Variants in RRP15 observed in about 807,000 individuals in gnomAD.
RRP15 encodes ribosomal RNA processing 15 homolog, also known as RRP15-like protein.
RRP15 carries 18 observed loss-of-function variants against 27.1 expected under a neutral mutation model. That is an observed-to-expected ratio of 0.66 (90% CI 0.46 to 0.98). The LOEUF (loss-of-function observed/expected upper bound fraction) is 0.98. Ranked by LOEUF, RRP15 falls within the 50% of genes least tolerant of loss-of-function variation. RRP15 has a pLI of 0.00. For synonymous variants in RRP15, 107 were observed against 109.4 expected (o/e 0.98, Z 0.14); for missense variants, 359 against 337.8 (o/e 1.06, Z -0.49).
rs780709587 is a variant in RRP15 at position 218,331,063 on chromosome 1, C to G, written c.821C>G (p.Pro274Arg). 17 of 1,612,178 alleles carry G rather than the reference C, an allele frequency of 1.1e-5. No individual in the cohort carries two copies. Among genetic ancestry groups the G allele is most frequent in the Non-Finnish European group, 1.4e-5 (16 of 1,178,818 alleles). The change falls in exon 5 of 5, where the codon CCA (proline) becomes CGA (arginine). Residue 274 changes from proline to arginine, a missense_variant. Pro to Arg is a moderately radical substitution (Grantham distance 103, BLOSUM62 -2). Coordinates refer to ENST00000366932, the MANE Select transcript of RRP15 (RefSeq NM_016052.4). ...KESDGPDDSR[P>R]ESASDSDT ...AGTGATGGGCCAGATGACAGCAGACCAGAATCTGCAAGTGACTCTGATACA... is the reference window on the plus strand; with the variant it reads ...AGTGATGGGCCAGATGACAGCAGACGAGAATCTGCAAGTGACTCTGATACA...
chr1:218,318,969 G>A (rs1656133482), intron 4 of RRP15, among the ~76,000 whole-genome samples: 1 of 152,006 alleles, frequency 6.6e-6, no homozygotes, highest in South Asian at 2.1e-4. Context: ...ATGAATTAAA[G>A]TTCCTAAAGA....
chr1:218,311,696 G>A (rs989855218), intron 4 of RRP15, among the ~76,000 whole-genome samples: 13 of 151,912 alleles, frequency 8.6e-5, no homozygotes, highest in African/African-American at 2.9e-4. Flanking sequence ...CTGTTTTTTC[G>A]GACTAAACGT....
intron 1 of RRP15, among the ~76,000 whole-genome samples, chr1:218,292,158 T>A (rs2102492006): frequency 6.6e-6 from 1 of 152,352 alleles, no homozygotes; most frequent in African/African-American, 2.4e-5. Flanking sequence ...AACAACAAAC[T>A]TTAATGCAAA....
At chr1:218,316,362 CCTG>C (rs1656089997) in intron 4 of RRP15, among the ~76,000 whole-genome samples, 1 of 152,100 alleles carries the variant, frequency 6.6e-6, no homozygotes, top group South Asian at 2.1e-4. Flanking sequence ...AAAAAATTAT[CCTG>C]CACAGATGAG....
intron 4 of RRP15, among the ~76,000 whole-genome samples, chr1:218,311,170 C>A (rs1655989945): frequency 6.6e-6 from 1 of 152,164 alleles, no homozygotes; most frequent in Non-Finnish European, 1.5e-5. Context: ...TTCCATTCTT[C>A]TCTATACCTT....
At chr1:218,316,770 G>A (rs1656095587) in intron 4 of RRP15, among the ~76,000 whole-genome samples, 1 of 152,124 alleles carries the variant, frequency 6.6e-6, no homozygotes, top group African/African-American at 2.4e-5. Context: ...CTATATTGGT[G>A]CTTATTTTTT....
chr1:218,295,215 G>C (rs879612867), intron 1 of RRP15, among the ~76,000 whole-genome samples: 8 of 152,136 alleles, frequency 5.3e-5, no homozygotes, highest in Admixed American at 5.2e-4. Flanking sequence ...TAAGATGATA[G>C]CCCCTACCTC....
intron 1 of RRP15, among the ~76,000 whole-genome samples, chr1:218,291,095 T>C (rs975780830): frequency 6.6e-6 from 1 of 152,018 alleles, no homozygotes; most frequent in Non-Finnish European, 1.5e-5. Flanking sequence ...GCTGTGACTG[T>C]GCCACTGTAC....
At chr1:218,291,559 G>T (rs1216898207) in intron 1 of RRP15, among the ~76,000 whole-genome samples, 2 of 128,162 alleles carry the variant, frequency 1.6e-5, no homozygotes, top group African/African-American at 6.2e-5. Flanking sequence ...TTGAGATGGA[G>T]TCTCGTTCTG....
At chr1:218,304,423 TC>T (rs1655861103) in intron 2 of RRP15, among the ~76,000 whole-genome samples, 3 of 152,284 alleles carry the variant, frequency 2.0e-5, no homozygotes, top group Admixed American at 1.3e-4. Context: ...ATTTCCCACC[TC>T]CCCTTCTGCT....
rs1437921146 is a variant in RRP15, at chr1:218,333,824, A to C, written c.*2733A>C. On this transcript the variant is annotated 3_prime_UTR_variant, in exon 5 of 5. Transcript: ENST00000366932. The stretch of plus-strand genomic sequence containing the variant: ...TCTTTGAATTTTTTAACGAGGGGAA[A>C]GAAAACTGCAATTCCTGCCTCCCCA... The C allele has an allele frequency of 6.6e-6, 1 of 152,174 alleles. No individual in the cohort carries two copies. The highest frequency in any genetic ancestry group is 2.4e-5 in the African/African-American group (1 of 41,444). 9.4% of individuals were successfully genotyped at this position (152,174 alleles called of 1,614,324 possible). A position where few individuals can be genotyped will look rare whatever the true frequency, so the allele number is the denominator to read the frequency against.
intron 1 of RRP15, among the ~76,000 whole-genome samples, chr1:218,286,059 T>C (rs540119866): frequency 6.6e-6 from 1 of 152,324 alleles, no homozygotes; most frequent in South Asian, 2.1e-4. Flanking sequence ...CCATCATTCT[T>C]GGCACCAGCT....
intron 1 of RRP15, among the ~76,000 whole-genome samples, chr1:218,299,019 G>C (rs1369161860): frequency 6.6e-6 from 1 of 152,158 alleles, no homozygotes; most frequent in African/African-American, 2.4e-5. Flanking sequence ...ATCTGCTTCT[G>C]CTGTTATAAA....
In RRP15 at chr1:218,296,612, C is replaced by G. The variant is rs1041054295; in HGVS notation, c.140-5682C>G. Among the ~76,000 whole-genome samples the G allele has an allele frequency of 3.3e-4, 50 of 151,346 alleles. 1 individual carries two copies. The highest frequency in any genetic ancestry group is 1.2e-3 in the African/African-American group (49 of 41,076). On this transcript the variant is annotated intron_variant, in intron 1 of 4. Transcript: ENST00000366932. ...TGAGCTAAGATTCTGTCACTATACT[C>G]CAGCCTGGGCGCCAGAGTGAGACCT...
At chr1:218,319,598 C>T (rs1348748557) in intron 4 of RRP15, among the ~76,000 whole-genome samples, 3 of 152,082 alleles carry the variant, frequency 2.0e-5, no homozygotes, top group Non-Finnish European at 4.4e-5. Context: ...CCTAGAATCA[C>T]CTGTTTCTCC....
chr1:218,329,288 T>G (rs796762638), intron 4 of RRP15, among the ~76,000 whole-genome samples: 7 of 132,372 alleles, frequency 5.3e-5, no homozygotes, highest in Admixed American at 1.6e-4. Context: ...GGCATGATGG[T>G]GTGCACCTGT....
rs1656357999 is a variant in RRP15, at chr1:218,331,013, A to G, written c.771A>G (p.Ala257=). The change falls in exon 5 of 5, where the codon GCA becomes GCG. Residue 257 remains alanine, a synonymous_variant. Coordinates refer to ENST00000366932, the MANE Select transcript of RRP15 (RefSeq NM_016052.4). The stretch of plus-strand genomic sequence containing the variant: ...TACGTGATGATTTCATGATGGGAGC[A>G]TCTATGAAAGACTGGGACAAGGAAA... ...TILRDDFMMG[A]SMKDWDKESD... is the part of the protein sequence containing the mutation. 2 of 1,613,512 alleles carry G rather than the reference A, an allele frequency of 1.2e-6. No individual in the cohort carries two copies. The highest frequency in any genetic ancestry group is 8.5e-7 in the Non-Finnish European group (1 of 1,179,572).
chr1:218,321,828 C>CT lies in RRP15; in HGVS notation c.706-9110dup, dbSNP rs1010886479. 1.7e-4 allele frequency among the ~76,000 whole-genome samples: 25 copies of CT among 148,852 alleles called. No individual in the cohort carries two copies. The East Asian group carries it at 1.8e-3, about 11-fold the overall frequency. On this transcript the variant is annotated intron_variant, in intron 4 of 4. Coordinates refer to ENST00000366932, the MANE Select transcript of RRP15 (RefSeq NM_016052.4). Reference sequence around the variant, plus strand: ...TGACACATTTAGAATTTGCCTCAGGCTTTTTTTTTTCTTTTTTCTTATATT... The same window carrying CT: ...TGACACATTTAGAATTTGCCTCAGGCTTTTTTTTTTTCTTTTTTCTTATATT...
chr1:218,301,369 G>A (rs1480182912), intron 1 of RRP15: 1 of 152,214 alleles, frequency 6.6e-6, no homozygotes, highest in East Asian at 1.9e-4. Context: ...GAGGGCTCTG[G>A]ATCATAGAGA....
Sources: gnomAD v4.1 joint callset for allele counts (sites outside exome capture counted in the v4.1 genomes callset) on GRCh38, gnomAD v4.1.1 for gene constraint, MANE v1.5 for transcripts, NCBI Gene and HGNC (gene_info 2026-07-23, HGNC 2026-07-21) for gene names.